Variants in RNF44 observed in about 807,000 individuals in gnomAD.
The protein encoded by RNF44 is ring finger protein 44.
A neutral mutation model predicts 53.6 loss-of-function variants in RNF44; 25 were observed. The observed-to-expected ratio is 0.47, with a 90% CI of 0.34 to 0.65. The LOEUF (loss-of-function observed/expected upper bound fraction) is 0.65, where lower values mean the gene tolerates loss of function less well. Among genes scored for constraint, RNF44 ranks in the 30% least tolerant of loss-of-function variants. The pLI is 0.01. For synonymous variants in RNF44, 282 were observed against 252.2 expected (o/e 1.12, Z -1.12); for missense variants, 581 against 595.5 (o/e 0.98, Z 0.25).
chr5:176,530,195 G>C lies in RNF44; in HGVS notation c.813C>G (p.His271Gln). The change falls in exon 7 of 11, where the codon CAC (histidine) becomes CAG (glutamine). Residue 271 changes from histidine (H) to glutamine (Q), a missense_variant. His to Gln is a conservative substitution (Grantham distance 24). This residue lies in a region of RNF44 where 11 missense variants were observed against 31.0 expected (regional missense o/e 0.35). Coordinates refer to ENST00000274811, the MANE Select transcript of RNF44 (RefSeq NM_014901.5). ...GGGTGCTCAGTCTCCGTGGCATCAT[G>C]TGAGAATATGGCTGCAAGAGGGGCC... ...QELSFGVPYS[H>Q]MMPRRLSTQR... is the part of the protein sequence containing the mutation. The C allele has an allele frequency of 7.5e-7, 1 of 1,328,174 alleles. No individual in the cohort carries two copies. The highest frequency in any genetic ancestry group is 9.7e-7 in the Non-Finnish European group (1 of 1,035,746). 82.3% of individuals were successfully genotyped at this position (1,328,174 alleles called of 1,614,324 possible).
Position 176,531,583 on chromosome 5 carries a change from C to A in RNF44, c.345G>T (p.Thr115=). Residue 115 remains threonine (T), a synonymous_variant, in exon 4 of 11, where the codon ACG becomes ACT. Transcript: ENST00000274811. This position sits in a 1 kb window ranked among gnomAD's most constrained non-coding sequence, Gnocchi z 4.2. ...CTGTAGGCAAGGGGAAGCCTTGGGTCGTCACTGTGGTGACCGTGTAGGACA... is the reference window on the plus strand; with the variant it reads ...CTGTAGGCAAGGGGAAGCCTTGGGTAGTCACTGTGGTGACCGTGTAGGACA... ...VPLSYTVTTV[T]TQGFPLPTGQ... The A allele has an allele frequency of 6.2e-7, 1 of 1,613,520 alleles. No homozygotes were observed.
In RNF44 at chr5:176,532,351, G is replaced by T. The variant is rs372614096; in HGVS notation, c.107+15C>A. ...CCCCATGCCCCAGCACCAGGACTGG[G>T]AGGCTCCTTCCTACCTTCCCCAGAG... On this transcript the variant is annotated intron_variant, in intron 2 of 10. Coordinates refer to ENST00000274811, the MANE Select transcript of RNF44 (RefSeq NM_014901.5). 1.4e-5 allele frequency: 22 copies of T among 1,600,432 alleles called. No individual in the cohort carries two copies. The highest frequency in any genetic ancestry group is 1.9e-5 in the Non-Finnish European group (22 of 1,174,878).
intron 7 of RNF44, 53 bp from the exon 8 acceptor site, chr5:176,529,871 C>A (rs1756397176): frequency 6.7e-7 from 1 of 1,483,304 alleles, no homozygotes; most frequent in Non-Finnish European, 9.1e-7. Flanking sequence ...GTGGGGCACA[C>A]AGAGCCGCTC....
In RNF44 at chr5:176,528,076, C is replaced by CGCAT. The variant is rs1038060152; in HGVS notation, c.*948_*951dup. On this transcript the variant is annotated 3_prime_UTR_variant, in exon 11 of 11. Coordinates refer to ENST00000274811, the MANE Select transcript of RNF44 (RefSeq NM_014901.5). ...CGGCCGCCCAGCCCAGCCCGGCACA[C>CGCAT]GCATGCATGCAGGCCGGCCAGCATG... 3 of 152,880 alleles carry CGCAT rather than the reference C, an allele frequency of 2.0e-5. No homozygotes were observed. The highest frequency in any genetic ancestry group is 4.4e-5 in the Non-Finnish European group (3 of 68,354). The allele number at this position is 152,880 out of a possible 1,614,324, so 9.5% of individuals were successfully genotyped here.
intron 1 of RNF44, among the ~76,000 whole-genome samples, chr5:176,533,349 T>C (rs1426560842): frequency 6.6e-6 from 1 of 152,178 alleles, no homozygotes; most frequent in Non-Finnish European, 1.5e-5. Context: ...TATCCACGAG[T>C]GACTTCATCT....
At chr5:176,537,812 G>A (rs1051999340), upstream of RNF44, 1 of 152,212 alleles carries the variant, frequency 6.6e-6, no homozygotes. Context: ...CGGGGCGAGA[G>A]CGGCCCAAGT....
chr5:176,529,964 G>T (rs985460783), intron 7 of RNF44, 118 bp downstream of exon 7: 232 of 1,395,974 alleles, frequency 1.7e-4, no homozygotes, highest in Non-Finnish European at 2.2e-4. Flanking sequence ...AGGTTAAGGG[G>T]GGAACGCCAG....
the RNF44 span, chr5:176,543,436 T>G: frequency 4.0e-5 from 6 of 151,562 alleles, no homozygotes; most frequent in Non-Finnish European, 5.9e-5. This position sits in a 1 kb window ranked among gnomAD's most constrained non-coding sequence, Gnocchi z 4.0. Context: ...CCACACCGGC[T>G]GCGCAGCTTC....
At chr5:176,532,314 A>T in intron 2 of RNF44, 52 bp downstream of exon 2, 1 of 1,551,960 alleles carries the variant, frequency 6.4e-7, no homozygotes, top group South Asian at 1.2e-5. Flanking sequence ...CCTGCGCCCC[A>T]CCCCTGCTGG....
At chr5:176,529,853 G>T in intron 7 of RNF44, 35 bp from the exon 8 acceptor site, 1 of 1,544,376 alleles carries the variant, frequency 6.5e-7, no homozygotes, top group East Asian at 2.3e-5. Context: ...CCAGGGTCAA[G>T]GTCAGGAGTG....
chr5:176,532,201 A>C lies in RNF44; in HGVS notation c.108-8T>G. 1.3e-6 allele frequency: 2 copies of C among 1,507,308 alleles called. No individual in the cohort carries two copies. Among genetic ancestry groups the C allele is most frequent in the East Asian group, 2.4e-5 (1 of 42,344 alleles). 93.4% of individuals were successfully genotyped at this position (1,507,308 alleles called of 1,614,324 possible). On this transcript the variant is annotated splice_region_variant and splice_polypyrimidine_tract_variant and intron_variant, in intron 2 of 10. Transcript: ENST00000274811. Reference sequence around the variant, plus strand: ...GGGCCCTCGAGGCCAGGGCTGCACCACAGAGAGGAGGCCCCGATAGGACTG... The same window carrying C: ...GGGCCCTCGAGGCCAGGGCTGCACCCCAGAGAGGAGGCCCCGATAGGACTG...
chr5:176,532,573 T>C, intron 1 of RNF44, 57 bp from the exon 2 acceptor site: 3 of 1,402,134 alleles, frequency 2.1e-6, no homozygotes, highest in Non-Finnish European at 2.8e-6. Context: ...TGAAACCTCG[T>C]CTCTGCTAAA....
Position 176,532,572 on chromosome 5 carries a change from G to A in RNF44, c.-44-56C>T, listed in dbSNP as rs1005977187. On this transcript the variant is annotated intron_variant, in intron 1 of 10. Coordinates refer to ENST00000274811, the MANE Select transcript of RNF44 (RefSeq NM_014901.5). Reference sequence around the variant, plus strand: ...CACCTGGCCAACATGGTGAAACCTCGTCTCTGCTAAAAATACAAAAACTAG... The same window carrying A: ...CACCTGGCCAACATGGTGAAACCTCATCTCTGCTAAAAATACAAAAACTAG... The A allele has an allele frequency of 1.1e-5, 15 of 1,401,124 alleles. No individual in the cohort carries two copies. In the Admixed American group the frequency reaches 1.7e-4, roughly 16 times the overall value. 86.8% of individuals were successfully genotyped at this position (1,401,124 alleles called of 1,614,324 possible).
the RNF44 span, chr5:176,543,434 G>C: frequency 6.6e-6 from 1 of 151,698 alleles, no homozygotes; most frequent in African/African-American, 2.4e-5. This position sits in a 1 kb window ranked among gnomAD's most constrained non-coding sequence, Gnocchi z 4.0. Context: ...GCCCACACCG[G>C]CTGCGCAGCT....
rs1206592201 is a variant in RNF44 at position 176,532,397 on chromosome 5, G to A, written c.76C>T (p.Pro26Ser). 6.2e-7 allele frequency: 1 copy of A among 1,610,158 alleles called. No individual in the cohort carries two copies. Among genetic ancestry groups the A allele is most frequent in the East Asian group, 2.2e-5 (1 of 44,816 alleles). Residue 26 changes from proline (P) to serine (S), a missense_variant, in exon 2 of 11, where the codon CCT becomes TCT. Physicochemically the swap from Pro to Ser is moderately conservative, Grantham distance 74. Transcript: ENST00000274811. ...PVGQRRFSAG[P>S]GSTPGQLWGS... ...CAGAGCTGGCCCGGGGTGCTGCCAGGTCCCGCAGAGAATCGCCGCTGGCCC... is the reference window on the plus strand; with the variant it reads ...CAGAGCTGGCCCGGGGTGCTGCCAGATCCCGCAGAGAATCGCCGCTGGCCC...
intron 1 of RNF44, among the ~76,000 whole-genome samples, chr5:176,534,863 C>T (rs1424756781): frequency 6.6e-6 from 1 of 152,228 alleles, no homozygotes; most frequent in African/African-American, 2.4e-5. Flanking sequence ...AGCAGTCTGG[C>T]CATAAAGCAC....
In RNF44 at chr5:176,537,013, A is replaced by AGGGGGGGGGGGGG. The variant is rs61169311; in HGVS notation, c.-119_-118insCCCCCCCCCCCCC. 1.6e-3 allele frequency: 122 copies of AGGGGGGGGGGGGG among 77,444 alleles called. No homozygotes were observed. The highest frequency in any genetic ancestry group is 1.9e-3 in the African/African-American group (30 of 16,212). 4.8% of individuals were successfully genotyped at this position (77,444 alleles called of 1,614,324 possible). A position where few individuals can be genotyped will look rare whatever the true frequency, so the allele number is the denominator to read the frequency against. Reference sequence around the variant, plus strand: ...GGCCAAACTGGGCAGGGGGCGGGGGAGGGGGGGGGTGCCTGTCTGGATCCT... The same window carrying AGGGGGGGGGGGGG: ...GGCCAAACTGGGCAGGGGGCGGGGGAGGGGGGGGGGGGGGGGGGGGGGTGCCTGTCTGGATCCT... On this transcript the variant is annotated 5_prime_UTR_variant, in exon 1 of 11. Coordinates refer to ENST00000274811, the MANE Select transcript of RNF44 (RefSeq NM_014901.5).
chr5:176,531,694 G>T lies in RNF44; in HGVS notation c.298-64C>A. ...AGCTGACCGCGAGGGCTACTCTCAG[G>T]AGAAATCATCCTGCCACATCCAGCT... On this transcript the variant is annotated intron_variant, in intron 3 of 10. Transcript: ENST00000274811. The surrounding 1 kb of genome is among the most constrained non-coding windows in gnomAD (Gnocchi z 4.2). 6.7e-7 allele frequency: 1 copy of T among 1,488,306 alleles called. No homozygotes were observed. The highest frequency in any genetic ancestry group is 9.1e-7 in the Non-Finnish European group (1 of 1,101,136). The allele number at this position is 1,488,306 out of a possible 1,614,324, so 92.2% of individuals were successfully genotyped here.
chr5:176,540,281 C>A (rs1021412444), upstream of RNF44, among the ~76,000 whole-genome samples: 3 of 152,102 alleles, frequency 2.0e-5, no homozygotes, highest in African/African-American at 7.2e-5. Flanking sequence ...ACCTGAGGCT[C>A]AAAGAGGTGA....
Sources: gnomAD v4.1 joint callset for allele counts (sites outside exome capture counted in the v4.1 genomes callset) on GRCh38, gnomAD v4.1.1 for gene constraint, gnomAD v4.1.1 regional missense constraint, Gnocchi (gnomAD v3.1) non-coding constraint, MANE v1.5 for transcripts, NCBI Gene and HGNC (gene_info 2026-07-23, HGNC 2026-07-21) for gene names.